The following PTPRT variants were observed in gnomAD, a reference collection of about 807,000 sequenced individuals.
The protein encoded by PTPRT is receptor-type tyrosine-protein phosphatase T.
In PTPRT, 56 loss-of-function variants were observed where a neutral mutation model predicts 176.8. The ratio of observed to expected loss-of-function variants is 0.32; its 90% CI spans 0.26 to 0.40. The LOEUF (loss-of-function observed/expected upper bound fraction) is 0.40, where lower values mean the gene tolerates loss of function less well. Ranked by LOEUF, PTPRT falls within the 10% of genes least tolerant of loss-of-function variation. The pLI, the probability that PTPRT is intolerant of heterozygous loss-of-function variation, is 1.00. For synonymous variants in PTPRT, 783 were observed against 739.0 expected, an observed-to-expected ratio of 1.06 and a Z score of -0.96; for missense variants, 1,540 against 1,908.2, an observed-to-expected ratio of 0.81 and a Z score of 3.60.
At chr20:42,807,073 C>T (rs1271390643) in intron 2 of PTPRT, among the ~76,000 whole-genome samples, 1 of 152,130 alleles carries the variant, frequency 6.6e-6, no homozygotes, top group African/African-American at 2.4e-5. Context: ...CAGCCTTGAG[C>T]AGGATGTGAA....
rs146223984 is a variant in PTPRT, at chr20:42,385,751, G to A, written c.1561-33466C>T. Among the ~76,000 whole-genome samples, 1,499 of 152,206 alleles carry A rather than the reference G, an allele frequency of 9.8e-3. 14 individuals are homozygous for A. The highest frequency in any genetic ancestry group is 0.016 in the Admixed American group (248 of 15,286). ...AGCAGGCAAGAGAGCTTGTGCAGGG[G>A]GAACTCCCATTTATAAAACCATCAG... On this transcript the variant is annotated intron_variant, in intron 9 of 30. Transcript: ENST00000373187.
intron 1 of PTPRT, among the ~76,000 whole-genome samples, chr20:43,077,684 T>C (rs74972694): frequency 0.018 from 2,746 of 152,200 alleles, 50 homozygotes; most frequent in East Asian, 0.076. Context: ...CCTTTCCCAA[T>C]CATCCCTGGG....
chr20:42,398,166 AT>A (rs776163495), intron 9 of PTPRT, among the ~76,000 whole-genome samples: 36 of 152,210 alleles, frequency 2.4e-4, no homozygotes, highest in Non-Finnish European at 4.1e-4. Flanking sequence ...GTAAAAAAAA[AT>A]ACATACATGA....
chr20:42,962,078 C>A (rs1490349794), intron 1 of PTPRT, among the ~76,000 whole-genome samples: 3 of 152,226 alleles, frequency 2.0e-5, no homozygotes, highest in African/African-American at 7.2e-5. Flanking sequence ...TGTAAGAGAA[C>A]AGATCTGTGT....
At chr20:42,261,133 A>C (rs905170822) in intron 13 of PTPRT, among the ~76,000 whole-genome samples, 1 of 152,162 alleles carries the variant, frequency 6.6e-6, no homozygotes, top group African/African-American at 2.4e-5. Flanking sequence ...AGCAGTCCCA[A>C]ATCAAGGTGA....
chr20:42,220,625 A>G (rs1382093120), intron 15 of PTPRT, among the ~76,000 whole-genome samples: 3 of 152,252 alleles, frequency 2.0e-5, no homozygotes, highest in Non-Finnish European at 4.4e-5. Flanking sequence ...TCCAGAAAAT[A>G]TAACATGAAA....
chr20:43,188,752 G>GGGC lies in PTPRT; in HGVS notation c.88+893_88+894insGCC, dbSNP rs1555845645. ...CTCTTCCCTCCGCCGCTACTCTTGGGGGGGGGGGGGCTCGGGGGTGGAAGC... is the reference window on the plus strand; with the variant it reads ...CTCTTCCCTCCGCCGCTACTCTTGGGGGCGGGGGGGGGGCTCGGGGGTGGAAGC... On this transcript the variant is annotated intron_variant, in intron 1 of 30. Transcript: ENST00000373187. 8.3e-4 allele frequency among the ~76,000 whole-genome samples: 113 copies of GGGC among 135,940 alleles called. 11 individuals carry two copies. Among genetic ancestry groups the GGGC allele is most frequent in the African/African-American group, 3.0e-3 (112 of 37,850 alleles). The allele number at this position is 135,940 out of a possible 152,430, so 89.2% of individuals were successfully genotyped here.
At chr20:42,319,986 C>G (rs1048306465) in intron 11 of PTPRT, among the ~76,000 whole-genome samples, 1 of 152,180 alleles carries the variant, frequency 6.6e-6, no homozygotes, top group African/African-American at 2.4e-5. Context: ...ACTCACCACA[C>G]AGCACATAGC....
chr20:42,482,237 AG>A (rs1331673862), intron 7 of PTPRT, among the ~76,000 whole-genome samples: 1 of 152,172 alleles, frequency 6.6e-6, no homozygotes, highest in African/African-American at 2.4e-5. Context: ...AAGAGCAAGG[AG>A]GCTAATGGCC....
intron 7 of PTPRT, among the ~76,000 whole-genome samples, chr20:42,666,695 C>G (rs1230068792): frequency 6.6e-6 from 1 of 152,200 alleles, no homozygotes; most frequent in Non-Finnish European, 1.5e-5. Context: ...TTCTCATCCT[C>G]AATAAAACTT....
intron 11 of PTPRT, among the ~76,000 whole-genome samples, chr20:42,326,717 C>T (rs942492125): frequency 2.6e-5 from 4 of 152,082 alleles, no homozygotes; most frequent in Non-Finnish European, 5.9e-5. Context: ...AATAATTGTG[C>T]TGAACTGAAG....
At chr20:42,914,982 C>T (rs3091519) in intron 1 of PTPRT, among the ~76,000 whole-genome samples, 1 of 152,002 alleles carries the variant, frequency 6.6e-6, no homozygotes, top group Non-Finnish European at 1.5e-5. Flanking sequence ...TTTTCTAAAC[C>T]CTTATCCCTC....
At chr20:42,729,218 C>T (rs1013097426) in intron 6 of PTPRT, among the ~76,000 whole-genome samples, 4 of 152,158 alleles carry the variant, frequency 2.6e-5, no homozygotes, top group East Asian at 1.9e-4. Context: ...ACTAAAAATG[C>T]TTCTCTTGTT....
At chr20:42,570,167 G>A (rs1237175985) in intron 7 of PTPRT, among the ~76,000 whole-genome samples, 1 of 152,064 alleles carries the variant, frequency 6.6e-6, no homozygotes, top group Non-Finnish European at 1.5e-5. Flanking sequence ...CAGTGTCTGG[G>A]GCATCTCTCC....
chr20:42,373,979 T>C (rs2187852), intron 9 of PTPRT, among the ~76,000 whole-genome samples: 1 of 152,144 alleles, frequency 6.6e-6, no homozygotes, highest in Non-Finnish European at 1.5e-5. Flanking sequence ...GTGGGGTCTG[T>C]CACCCTGTTT....
chr20:42,060,152 C>T, the PTPRT span, among the ~76,000 whole-genome samples: 1 of 152,112 alleles, frequency 6.6e-6, no homozygotes, highest in Non-Finnish European at 1.5e-5. Flanking sequence ...CCAAAGAGAC[C>T]TTAGACAATT....
intron 1 of PTPRT, among the ~76,000 whole-genome samples, chr20:42,935,399 A>G (rs1980125807): frequency 6.6e-6 from 1 of 152,020 alleles, no homozygotes; most frequent in Non-Finnish European, 1.5e-5. Context: ...CTTGGCGTCC[A>G]AAAGCAATGG....
At chr20:42,249,842 A>G (rs1185235654) in intron 13 of PTPRT, among the ~76,000 whole-genome samples, 2 of 152,242 alleles carry the variant, frequency 1.3e-5, no homozygotes, top group Non-Finnish European at 2.9e-5. Flanking sequence ...CAGAGGCAAC[A>G]TCTTATTTCA....
intron 18 of PTPRT, among the ~76,000 whole-genome samples, chr20:42,136,644 C>A (rs532393973): frequency 6.6e-6 from 1 of 152,132 alleles, no homozygotes; most frequent in Admixed American, 6.5e-5. Flanking sequence ...AAGAGAGGAC[C>A]ACCTGTGTCC....
Sources: allele counts gnomAD v4.1 joint callset (sites outside exome capture counted in the v4.1 genomes callset), GRCh38; gene constraint gnomAD v4.1.1; transcripts MANE v1.5; gene names NCBI Gene and HGNC (gene_info 2026-07-23, HGNC 2026-07-21).